DPP6: variants seen among roughly 807,000 people sequenced by gnomAD.
The protein encoded by DPP6 is A-type potassium channel modulatory protein DPP6.
A neutral mutation model predicts 122.6 loss-of-function variants in DPP6; 69 were observed. The ratio of observed to expected loss-of-function variants is 0.56; its 90% CI spans 0.46 to 0.69. The LOEUF (loss-of-function observed/expected upper bound fraction) is 0.69. Ranked by LOEUF, DPP6 falls within the 30% of genes least tolerant of loss-of-function variation. DPP6 has a pLI of 0.00. For synonymous variants in DPP6, 418 were observed against 433.1 expected, an observed-to-expected ratio of 0.97 and a Z score of 0.43; for missense variants, 928 against 1,116.9, an observed-to-expected ratio of 0.83 and a Z score of 2.41.
intron 1 of DPP6, among the ~76,000 whole-genome samples, chr7:154,329,411 T>C (rs753028816): frequency 3.9e-5 from 6 of 152,246 alleles, no homozygotes; most frequent in Non-Finnish European, 8.8e-5. Flanking sequence ...GCGAAGTGTC[T>C]GTTCATATCC....
intron 3 of DPP6, among the ~76,000 whole-genome samples, chr7:154,523,391 A>G (rs1827154332): frequency 6.6e-6 from 1 of 152,016 alleles, no homozygotes; most frequent in African/African-American, 2.4e-5. Context: ...GTAAACATAA[A>G]TTATACTCTC....
intron 16 of DPP6, among the ~76,000 whole-genome samples, chr7:154,847,962 G>A (rs972191075): frequency 3.3e-5 from 5 of 152,194 alleles, no homozygotes; most frequent in Non-Finnish European, 7.3e-5. Context: ...TTAGCGTAAT[G>A]TCTTCCAGAT....
chr7:154,438,250 A>G (rs561649965), intron 1 of DPP6, among the ~76,000 whole-genome samples: 79 of 152,110 alleles, frequency 5.2e-4, no homozygotes, highest in East Asian at 9.7e-4. Context: ...GGTGGATCAC[A>G]AGGTCAGGAG....
chr7:154,068,940 C>T (rs1335198663), intron 1 of DPP6, among the ~76,000 whole-genome samples: 2 of 63,766 alleles, frequency 3.1e-5, no homozygotes, highest in Non-Finnish European at 6.0e-5. Flanking sequence ...TTTGATCTCC[C>T]GTGCACTTAC....
intron 3 of DPP6, among the ~76,000 whole-genome samples, chr7:154,525,169 G>A (rs1438283237): frequency 6.6e-6 from 1 of 152,110 alleles, no homozygotes; most frequent in African/African-American, 2.4e-5. Context: ...TTAAAGACAG[G>A]GTCTCACTCT....
In DPP6 at chr7:154,416,048, G is replaced by A. The variant is rs150306945; in HGVS notation, c.244-30166G>A. ...ACCTGTGGTCAACTGAGATCCAAAA[G>A]TATTAAATAGAAAATTCCAGAGATA... On this transcript the variant is annotated intron_variant, in intron 1 of 25. Transcript: ENST00000377770. Among the ~76,000 whole-genome samples the A allele has an allele frequency of 3.3e-3, 502 of 152,110 alleles. 2 individuals are homozygous for A. The highest frequency in any genetic ancestry group is 7.7e-3 in the South Asian group (37 of 4,806).
At chr7:154,144,468 G>C (rs144948706) in intron 1 of DPP6, among the ~76,000 whole-genome samples, 8,787 of 149,066 alleles carry the variant, frequency 0.059, no homozygotes, top group African/African-American at 0.2. Context: ...TGTGAATTCA[G>C]TTATTCATCT....
chr7:154,289,809 G>A (rs1237560525), intron 1 of DPP6, among the ~76,000 whole-genome samples: 1 of 152,186 alleles, frequency 6.6e-6, no homozygotes, highest in Non-Finnish European at 1.5e-5. Context: ...GTCTGATGGG[G>A]ATGGCAGTCC....
At chr7:154,529,836 C>A (rs1198097705) in intron 3 of DPP6, among the ~76,000 whole-genome samples, 1 of 151,998 alleles carries the variant, frequency 6.6e-6, no homozygotes, top group Admixed American at 6.6e-5. Flanking sequence ...GATCAATATC[C>A]AAGGTGAGGC....
intron 7 of DPP6, among the ~76,000 whole-genome samples, chr7:154,693,679 G>C (rs1169036303): frequency 6.6e-6 from 1 of 152,126 alleles, no homozygotes. Context: ...GGCCACATCT[G>C]CCTTTAGGAA....
chr7:153,806,179 C>T, the DPP6 span, among the ~76,000 whole-genome samples: 1 of 151,602 alleles, frequency 6.6e-6, no homozygotes, highest in African/African-American at 2.4e-5. Flanking sequence ...TGCCTCTGGT[C>T]ACTCCTGTCC....
chr7:154,506,929 G>C (rs1249475538), intron 3 of DPP6, among the ~76,000 whole-genome samples: 1 of 152,142 alleles, frequency 6.6e-6, no homozygotes, highest in South Asian at 2.1e-4. Context: ...GATTAACACT[G>C]TTGGGAATAA....
rs530694338 is a variant in DPP6, at chr7:154,169,215, T to C, written c.243+116152T>C. On this transcript the variant is annotated intron_variant, in intron 1 of 25. Transcript: ENST00000377770. ...TCTTCCAGCTTCAGTTTGAAGAGTC[T>C]CAGGCAAGAACCCGGTTGGCCTGGT... 2.6e-5 allele frequency among the ~76,000 whole-genome samples: 4 copies of C among 152,280 alleles called. No homozygotes were observed. In the South Asian group the frequency reaches 8.3e-4, roughly 32 times the overall value.
intron 2 of DPP6, among the ~76,000 whole-genome samples, chr7:154,472,107 T>A (rs1432504863): frequency 1.3e-5 from 2 of 152,176 alleles, no homozygotes; most frequent in Non-Finnish European, 2.9e-5. Flanking sequence ...GATCAAATGC[T>A]GCAGGAGCCA....
intron 1 of DPP6, among the ~76,000 whole-genome samples, chr7:154,217,789 G>A (rs902655904): frequency 2.0e-5 from 3 of 152,146 alleles, no homozygotes; most frequent in Non-Finnish European, 4.4e-5. Context: ...GCCCAGCTCA[G>A]GGTGGAGGAG....
chr7:154,664,116 T>A (rs1345154665), intron 6 of DPP6, among the ~76,000 whole-genome samples: 4 of 143,608 alleles, frequency 2.8e-5, no homozygotes, highest in Non-Finnish European at 6.2e-5. Flanking sequence ...CATATAGTCA[T>A]GGTGAATCAC....
At chr7:153,887,465 G>C (rs1320669661) in exon 1 of DPP6, 1 of 475,752 alleles carries the variant, frequency 2.1e-6, no homozygotes, top group Non-Finnish European at 3.8e-6. Flanking sequence ...TTTATTGGTA[G>C]CGGCCAAAAA....
chr7:154,884,610 C>CAA (rs1805943364), intron 21 of DPP6: 1 of 151,932 alleles, frequency 6.6e-6, no homozygotes, highest in African/African-American at 2.4e-5. Flanking sequence ...TACACGATTA[C>CAA]ATACACATGC....
At chr7:154,751,659 C>T (rs77955071) in intron 8 of DPP6, among the ~76,000 whole-genome samples, 2,889 of 151,940 alleles carry the variant, frequency 0.019, 115 homozygotes, top group African/African-American at 0.066. Context: ...ATGTCATCTC[C>T]GTCATCTCCT....
Sources: allele counts gnomAD v4.1 joint callset (sites outside exome capture counted in the v4.1 genomes callset), GRCh38; gene constraint gnomAD v4.1.1; transcripts MANE v1.5; gene names NCBI Gene and HGNC (gene_info 2026-07-23, HGNC 2026-07-21).